Variants in UBAP1 observed in about 807,000 individuals in gnomAD.
The protein encoded by UBAP1 is ubiquitin-associated protein 1.
In UBAP1, 5 loss-of-function variants were observed where a neutral mutation model predicts 39.0. That is an observed-to-expected ratio of 0.13 (90% CI 0.07 to 0.27). The LOEUF is 0.27. Ranked by LOEUF, UBAP1 falls within the 10% of genes least tolerant of loss-of-function variation. The pLI is 1.00. For missense variants in UBAP1, 490 were observed against 608.1 expected, an observed-to-expected ratio of 0.81 and a Z score of 2.04; for synonymous variants, 211 against 225.1, an observed-to-expected ratio of 0.94 and a Z score of 0.56.
At chr9:34,232,468 C>T (rs1833474383) in intron 2 of UBAP1, among the ~76,000 whole-genome samples, 1 of 152,118 alleles carries the variant, frequency 6.6e-6, no homozygotes, top group South Asian at 2.1e-4. Flanking sequence ...CTAAATTGAT[C>T]ACAGTTGTAA....
intron 1 of UBAP1, among the ~76,000 whole-genome samples, chr9:34,210,810 A>G (rs992747992): frequency 6.6e-6 from 1 of 151,740 alleles, no homozygotes; most frequent in Non-Finnish European, 1.5e-5. Flanking sequence ...GCCTTTTTGA[A>G]AGTTATATTT....
At chr9:34,229,319 G>A (rs961108756) in intron 2 of UBAP1, among the ~76,000 whole-genome samples, 2 of 150,792 alleles carry the variant, frequency 1.3e-5, no homozygotes, top group Non-Finnish European at 2.9e-5. Flanking sequence ...GTGCAATGAC[G>A]TGATCTTGGC....
intron 1 of UBAP1, among the ~76,000 whole-genome samples, chr9:34,184,448 G>A (rs943593053): frequency 2.7e-5 from 4 of 150,374 alleles, no homozygotes; most frequent in Non-Finnish European, 4.4e-5. Context: ...TGGCTAACAC[G>A]GTGAAACCCT....
chr9:34,224,023 C>A (rs1832904463), intron 2 of UBAP1: 2 of 506,170 alleles, frequency 4.0e-6, no homozygotes, highest in South Asian at 3.4e-5. Flanking sequence ...TAAGATAGAA[C>A]TCCAACTCCT....
rs558097205 is a variant in UBAP1, at chr9:34,227,019, A to G, written c.34+6071A>G. 8.5e-5 allele frequency among the ~76,000 whole-genome samples: 13 copies of G among 152,240 alleles called. No individual in the cohort carries two copies. The East Asian group carries it at 1.5e-3, about 18-fold the overall frequency. On this transcript the variant is annotated intron_variant, in intron 2 of 6. Transcript: ENST00000297661. The stretch of plus-strand genomic sequence containing the variant: ...TAAAGCTCCCTGTCTGATGTTTACA[A>G]TATCTTGGCTCTCCCTGAATTTGGG...
At chr9:34,213,389 C>T (rs560521404) in intron 1 of UBAP1, among the ~76,000 whole-genome samples, 134 of 151,980 alleles carry the variant, frequency 8.8e-4, no homozygotes, top group African/African-American at 3.0e-3. Context: ...CAGGCGCTTG[C>T]AATCCCAGCT....
intron 1 of UBAP1, among the ~76,000 whole-genome samples, chr9:34,209,391 A>G (rs930027751): frequency 2.6e-5 from 4 of 152,212 alleles, no homozygotes; most frequent in Non-Finnish European, 4.4e-5. Context: ...TTAAATCTAG[A>G]TTAGAGCTAA....
chr9:34,196,939 TTTAA>T (rs1831102855), intron 1 of UBAP1, among the ~76,000 whole-genome samples: 1 of 151,362 alleles, frequency 6.6e-6, no homozygotes, highest in African/African-American at 2.4e-5. Flanking sequence ...TGTGTGTGTT[TTTAA>T]TTGAGATGGA....
intron 1 of UBAP1, among the ~76,000 whole-genome samples, chr9:34,210,733 A>AT (rs1563899861): frequency 0.027 from 1,354 of 49,248 alleles, 21 homozygotes; most frequent in African/African-American, 0.068. Context: ...AAAAAAAAAA[A>AT]ATTTTTTTTT....
chr9:34,239,288 G>A (rs950706281), intron 3 of UBAP1, among the ~76,000 whole-genome samples: 4 of 152,132 alleles, frequency 2.6e-5, no homozygotes, highest in Admixed American at 6.6e-5. Flanking sequence ...CAAGTGATCC[G>A]CCCACCTTGG....
intron 2 of UBAP1, among the ~76,000 whole-genome samples, chr9:34,223,074 G>C (rs1832846162): frequency 1.3e-5 from 2 of 152,320 alleles, no homozygotes; most frequent in South Asian, 4.1e-4. Flanking sequence ...GAACATTCCA[G>C]AGAGAAGATT....
At chr9:34,234,840 G>A (rs976769798) in intron 3 of UBAP1, among the ~76,000 whole-genome samples, 1 of 152,082 alleles carries the variant, frequency 6.6e-6, no homozygotes, top group African/African-American at 2.4e-5. Flanking sequence ...GTATTACTAT[G>A]CTATACTTTT....
intron 1 of UBAP1, among the ~76,000 whole-genome samples, chr9:34,192,360 C>G (rs1026383431): frequency 6.6e-6 from 1 of 151,586 alleles, no homozygotes; most frequent in Admixed American, 6.6e-5. Context: ...ACTGAAAATA[C>G]AAAAATTAGC....
At chr9:34,211,794 CTT>C (rs1832032184) in intron 1 of UBAP1, among the ~76,000 whole-genome samples, 1 of 152,150 alleles carries the variant, frequency 6.6e-6, no homozygotes, top group Admixed American at 6.6e-5. Context: ...CTGCATTTCT[CTT>C]GTTACCTGTT....
At chr9:34,212,301 TA>T (rs1449075666) in intron 1 of UBAP1, among the ~76,000 whole-genome samples, 4 of 151,930 alleles carry the variant, frequency 2.6e-5, no homozygotes, top group African/African-American at 9.6e-5. Context: ...CCTGTAATCC[TA>T]GCACTTTGGG....
intron 1 of UBAP1, among the ~76,000 whole-genome samples, chr9:34,183,856 C>T (rs553130219): frequency 1.5e-4 from 22 of 151,404 alleles, no homozygotes; most frequent in Admixed American, 4.6e-4. Context: ...CCGCAACTGC[C>T]GCCTCCCGGG....
At position 34,241,656 on chromosome 9, in the gene UBAP1, G is replaced by A; in HGVS notation, c.631G>A (p.Asp211Asn). The A allele has an allele frequency of 1.9e-6, 3 of 1,614,090 alleles. No individual in the cohort carries two copies. The highest frequency in any genetic ancestry group is 2.5e-6 in the Non-Finnish European group (3 of 1,180,020). Residue 211 changes from aspartate (D) to asparagine (N), a missense_variant, in exon 4 of 7, where the codon GAT becomes AAT. Transcript: ENST00000297661. ...PRGGSGSVLQ[D>N]EEVLASLERA... ...GGGAGGCTCTGGGTCTGTGTTACAG[G>A]ATGAGGAGGTCCTGGCATCCTTGGA...
intron 3 of UBAP1, 22 bp downstream of exon 3, chr9:34,234,362 A>T: frequency 6.3e-7 from 1 of 1,577,306 alleles, no homozygotes; most frequent in Non-Finnish European, 8.6e-7. Flanking sequence ...TTTTTAGTTA[A>T]AGTTTAGTGC....
In UBAP1 at chr9:34,219,039, A is replaced by G. The variant is rs77264575; in HGVS notation, c.-7-1869A>G. 1.8e-4 allele frequency among the ~76,000 whole-genome samples: 27 copies of G among 152,226 alleles called. No individual in the cohort carries two copies. In the South Asian group the frequency reaches 2.9e-3, roughly 16 times the overall value. On this transcript the variant is annotated intron_variant, in intron 1 of 6. Transcript: ENST00000297661. ...TAAATTTAATTCTCCATGAACTACA[A>G]TATCAAACAGAATACACTCTATCTC...
Sources: gnomAD v4.1 joint callset for allele counts (sites outside exome capture counted in the v4.1 genomes callset) on GRCh38, gnomAD v4.1.1 for gene constraint, MANE v1.5 for transcripts, NCBI Gene and HGNC (gene_info 2026-07-23, HGNC 2026-07-21) for gene names.